ZNF335: variants seen among roughly 807,000 people sequenced by gnomAD.
The protein encoded by ZNF335 is zinc finger protein 335.
In ZNF335, 84 loss-of-function variants were observed where a neutral mutation model predicts 145.6. That is an observed-to-expected ratio of 0.58 (90% CI 0.48 to 0.69). The LOEUF is 0.69. ZNF335 is among the 30% of genes least tolerant of loss of function. The pLI, the probability that ZNF335 is intolerant of heterozygous loss-of-function variation, is 0.00. For missense variants in ZNF335, 1,865 were observed against 1,809.7 expected (o/e 1.03, Z -0.55); for synonymous variants, 761 against 717.0 (o/e 1.06, Z -0.98).
At position 45,959,207 on chromosome 20, in the gene ZNF335, AGGTCCTGGGGAACTGGGAGGT is replaced by A; in HGVS notation, c.2226_2246del (p.Pro744_Pro750del). On this transcript the variant is annotated inframe_deletion, in exon 15 of 28. Transcript: ENST00000322927. ...ACCCATGCCCCGACCTTACCTCAGGAGGTCCTGGGGAACTGGGAGGTGGTCCAGGGGCCGCACTGTGCTGCT... is the reference window on the plus strand; with the variant it reads ...ACCCATGCCCCGACCTTACCTCAGGAGGTCCAGGGGCCGCACTGTGCTGCT... 1 of 1,366,338 alleles carries A rather than the reference AGGTCCTGGGGAACTGGGAGGT, an allele frequency of 7.3e-7. No individual in the cohort carries two copies. Among genetic ancestry groups the A allele is most frequent in the Non-Finnish European group, 9.6e-7 (1 of 1,045,922 alleles). The allele number at this position is 1,366,338 out of a possible 1,614,324, so 84.6% of individuals were successfully genotyped here. A position where few individuals can be genotyped will look rare whatever the true frequency, so the allele number is the denominator to read the frequency against.
intron 1 of ZNF335, 101 bp from the exon 2 acceptor site, chr20:45,971,561 G>A: frequency 6.9e-7 from 1 of 1,458,382 alleles, no homozygotes; most frequent in Middle Eastern, 1.9e-4. Flanking sequence ...TTGCAGATGC[G>A]AAGATTGAGT....
At position 45,969,551 on chromosome 20, in the gene ZNF335, G is replaced by A; in HGVS notation, c.342C>T (p.Asp114=). 6.3e-7 allele frequency: 1 copy of A among 1,596,614 alleles called. No homozygotes were observed. Among genetic ancestry groups the A allele is most frequent in the South Asian group, 1.1e-5 (1 of 90,638 alleles). The stretch of plus-strand genomic sequence containing the variant: ...TGCAGTCGGACACCAGCATGTTGGG[G>A]TCTGGGAGTGCACTAGAGTGCACAA... ...PALVHSSALP[D]PNMLVSDCTA... The change falls in exon 3 of 28, where the codon GAC becomes GAT. Residue 114 remains aspartate, a synonymous_variant. Coordinates refer to ENST00000322927, the MANE Select transcript of ZNF335 (RefSeq NM_022095.4).
intron 11 of ZNF335, 52 bp from the exon 12 acceptor site, chr20:45,960,784 A>G (rs968413363): frequency 2.5e-6 from 4 of 1,610,976 alleles, no homozygotes; most frequent in Non-Finnish European, 2.5e-6. Context: ...AGGAGGGAGG[A>G]TAAAACCTCC....
Position 45,966,555 on chromosome 20 carries a change from T to C in ZNF335, c.956-781A>G, listed in dbSNP as rs564428522. On this transcript the variant is annotated intron_variant, in intron 6 of 27. Transcript: ENST00000322927. ...AGACTCTGTTTCTTTTTCTTTCTTTTTTTTTTTTTTTCTGAGACAGAGTCT... is the reference window on the plus strand; with the variant it reads ...AGACTCTGTTTCTTTTTCTTTCTTTCTTTTTTTTTTTCTGAGACAGAGTCT... Among the ~76,000 whole-genome samples the C allele has an allele frequency of 2.4e-3, 361 of 151,184 alleles. 2 individuals are homozygous for C. The highest frequency in any genetic ancestry group is 8.2e-3 in the African/African-American group (338 of 41,228).
chr20:45,963,675 A>G (rs1406309723), intron 8 of ZNF335, 25 bp from the exon 9 acceptor site: 53 of 1,613,646 alleles, frequency 3.3e-5, no homozygotes, highest in Non-Finnish European at 4.4e-5. Flanking sequence ...TGTGGCGGAA[A>G]GGTCTGGTGG....
At position 45,950,244 on chromosome 20, in the gene ZNF335, A is replaced by G; in HGVS notation, c.3462T>C (p.Asp1154=). 1 of 1,546,726 alleles carries G rather than the reference A, an allele frequency of 6.5e-7. No individual in the cohort carries two copies. The highest frequency in any genetic ancestry group is 8.7e-7 in the Non-Finnish European group (1 of 1,146,448). The change falls in exon 22 of 28, where the codon GAT becomes GAC. Residue 1154 remains aspartate, a synonymous_variant. Coordinates refer to ENST00000322927, the MANE Select transcript of ZNF335 (RefSeq NM_022095.4). The part of the protein sequence containing the change: ...TPTQTIILNS[D]DETLATLHTA... ...TGTGCAGGGTGGCCAGTGTTTCGTCATCACTGTTCAGGATGATGGTCTGGG... is the reference window on the plus strand; with the variant it reads ...TGTGCAGGGTGGCCAGTGTTTCGTCGTCACTGTTCAGGATGATGGTCTGGG...
At position 45,949,063 on chromosome 20, in the gene ZNF335, T is replaced by TGGCAGCATCAGCCAC; in HGVS notation, c.3904_3918dup (p.Val1302_Ala1306dup). 1.2e-6 allele frequency: 2 copies of TGGCAGCATCAGCCAC among 1,613,768 alleles called. No individual in the cohort carries two copies. The highest frequency in any genetic ancestry group is 1.7e-6 in the Non-Finnish European group (2 of 1,180,016). On this transcript the variant is annotated inframe_insertion, in exon 28 of 28. Transcript: ENST00000322927. Reference sequence around the variant, plus strand: ...CCAAACAGGCCCTGGGCTTGGGCCATGGCAGCATCAGCCACTGCTGCCAGG... The same window carrying TGGCAGCATCAGCCAC: ...CCAAACAGGCCCTGGGCTTGGGCCATGGCAGCATCAGCCACGGCAGCATCAGCCACTGCTGCCAGG...
chr20:45,951,567 G>A (rs2145357860), intron 20 of ZNF335, among the ~76,000 whole-genome samples: 1 of 152,354 alleles, frequency 6.6e-6, no homozygotes, highest in East Asian at 1.9e-4. Context: ...ATATTAGTTA[G>A]ATTCTTAGAA....
chr20:45,952,125 CA>C (rs2083644274), intron 20 of ZNF335, 21 bp downstream of exon 20: 1 of 1,567,680 alleles, frequency 6.4e-7, no homozygotes, highest in Non-Finnish European at 8.7e-7. Context: ...ACAGCAGAGA[CA>C]CAGGAGCAAC....
intron 6 of ZNF335, among the ~76,000 whole-genome samples, chr20:45,966,299 C>T (rs1228834250): frequency 1.3e-5 from 2 of 151,676 alleles, no homozygotes; most frequent in Admixed American, 6.6e-5. Flanking sequence ...AGGATGGTCT[C>T]GATCTCCTGA....
intron 2 of ZNF335, 52 bp downstream of exon 2, chr20:45,971,158 A>G: frequency 6.8e-7 from 1 of 1,467,646 alleles, no homozygotes; most frequent in Non-Finnish European, 9.0e-7. Context: ...GCTGTCAGGC[A>G]CTGCTGCTCG....
intron 18 of ZNF335, 80 bp from the exon 19 acceptor site, chr20:45,952,789 G>T: frequency 7.6e-7 from 1 of 1,319,628 alleles, no homozygotes; most frequent in South Asian, 1.3e-5. Context: ...ATCAACTGAG[G>T]AGTGACTGTC....
In ZNF335 at chr20:45,969,624, G is replaced by A. The variant is rs1459372264; in HGVS notation, c.269C>T (p.Ser90Phe). The A allele has an allele frequency of 3.7e-6, 6 of 1,610,984 alleles. No individual in the cohort carries two copies. The highest frequency in any genetic ancestry group is 5.1e-6 in the Non-Finnish European group (6 of 1,177,930). ...CCCTGCCACTGGCCCATGAGACACA[G>A]ACGATGAATCAGGGAGGTAGCTATT... ...LPNSYLPDSS[S>F]VSHGPVAGVT... The change falls in exon 3 of 28, where the codon TCT becomes TTT. Residue 90 changes from serine (S) to phenylalanine (F), a missense_variant. By Grantham distance (155) the Ser-to-Phe change is radical. Coordinates refer to ENST00000322927, the MANE Select transcript of ZNF335 (RefSeq NM_022095.4).
At position 45,962,152 on chromosome 20, in the gene ZNF335, G is replaced by C. The variant is rs760498566; in HGVS notation, c.1564C>G (p.Pro522Ala). 1.2e-6 allele frequency: 2 copies of C among 1,614,164 alleles called. No individual in the cohort carries two copies. ...TAGCTGCACTCGTCACACTTGTAGG[G>C]CTTGCTGCCCACGTGGTTGAACATG... Reference protein sequence around the residue: ...EHMFNHVGSKPYKCDECSYTS... With the variant: ...EHMFNHVGSKAYKCDECSYTS... The change falls in exon 10 of 28, where the codon CCC becomes GCC. Residue 522 changes from proline to alanine, a missense_variant. Transcript: ENST00000322927.
rs373689489 is a variant in ZNF335 at position 45,960,585 on chromosome 20, C to G, written c.1782+31G>C. The G allele has an allele frequency of 1.3e-5, 21 of 1,613,816 alleles. No individual in the cohort carries two copies. The African/African-American group carries it at 2.5e-4, about 19-fold the overall frequency. The stretch of plus-strand genomic sequence containing the variant: ...CCCTCCATCACCCAGGGGAGGCCCT[C>G]CTCTCAGCCCCAGCCCTGGCTCCCA... On this transcript the variant is annotated intron_variant, in intron 12 of 27. Transcript: ENST00000322927.
Position 45,948,768 on chromosome 20 carries a change from A to T in ZNF335, c.*185T>A. ...CTGCCTGCAGGCTGGGGCACCCAGCATGTCCTGGCTGGGGCCCATGGCTGC... is the reference window on the plus strand; with the variant it reads ...CTGCCTGCAGGCTGGGGCACCCAGCTTGTCCTGGCTGGGGCCCATGGCTGC... On this transcript the variant is annotated 3_prime_UTR_variant, in exon 28 of 28. Transcript: ENST00000322927. 1 of 871,128 alleles carries T rather than the reference A, an allele frequency of 1.1e-6. No homozygotes were observed. The allele number at this position is 871,128 out of a possible 1,614,324, so 54.0% of individuals were successfully genotyped here.
In ZNF335 at chr20:45,949,018, C is replaced by T. The variant is rs767339054; in HGVS notation, c.3964G>A (p.Glu1322Lys). ...GLFGTDETVP[E>K]HIQQLQHQGI... ...TGGTGCTGCAGCTGTTGAATGTGTT[C>T]GGGCACTGTCTCGTCTGTACCAAAC... Residue 1322 changes from glutamate (E) to lysine (K), a missense_variant, in exon 28 of 28, where the codon GAA (glutamate) becomes AAA (lysine). Physicochemically the swap from Glu to Lys is moderately conservative, Grantham distance 56. Coordinates refer to ENST00000322927, the MANE Select transcript of ZNF335 (RefSeq NM_022095.4). The T allele has an allele frequency of 1.8e-5, 29 of 1,613,890 alleles. No homozygotes were observed. The highest frequency in any genetic ancestry group is 2.2e-5 in the South Asian group (2 of 91,060).
In ZNF335 at chr20:45,963,915, C is replaced by G. The variant is rs2083901653; in HGVS notation, c.1178G>C (p.Ser393Thr). ...PPEPQDPEAP[S>T]SSGPGHLVAM... The stretch of plus-strand genomic sequence containing the variant: ...CACCAGGTGTCCTGGGCCTGAGGAG[C>G]TGGGAGCCTCGGGATCCTGTGGCTC... The change falls in exon 8 of 28, where the codon AGC becomes ACC. Residue 393 changes from serine (S) to threonine (T), a missense_variant. Physicochemically the swap from Ser to Thr is moderately conservative, Grantham distance 58. Transcript: ENST00000322927. 2 of 1,578,628 alleles carry G rather than the reference C, an allele frequency of 1.3e-6. No individual in the cohort carries two copies. The highest frequency in any genetic ancestry group is 1.7e-6 in the Non-Finnish European group (2 of 1,161,150).
intron 15 of ZNF335, 52 bp downstream of exon 15, chr20:45,959,149 G>A: frequency 7.7e-7 from 1 of 1,291,554 alleles, no homozygotes. Context: ...ATGATGCTGG[G>A]GCTGGGAGAA....
Sources: allele counts gnomAD v4.1 joint callset (sites outside exome capture counted in the v4.1 genomes callset), GRCh38; gene constraint gnomAD v4.1.1; transcripts MANE v1.5; gene names NCBI Gene and HGNC (gene_info 2026-07-23, HGNC 2026-07-21).